SYNPO: variants seen among roughly 807,000 people sequenced by gnomAD.
SYNPO encodes the protein synaptopodin.
SYNPO carries 19 observed loss-of-function variants against 49.5 expected under a neutral mutation model. The observed-to-expected ratio is 0.38, with a 90% CI of 0.27 to 0.56. The LOEUF (loss-of-function observed/expected upper bound fraction) is 0.56. SYNPO is among the 20% of genes least tolerant of loss of function. The pLI is 0.68. For synonymous variants in SYNPO, 536 were observed against 548.0 expected, an observed-to-expected ratio of 0.98 and a Z score of 0.31; for missense variants, 1,131 against 1,248.3, an observed-to-expected ratio of 0.91 and a Z score of 1.42.
intron 2 of SYNPO, 187 bp downstream of exon 2, chr5:150,650,490 G>A: frequency 6.7e-7 from 1 of 1,497,288 alleles, no homozygotes; most frequent in Non-Finnish European, 8.9e-7. Flanking sequence ...GTGACCTTGG[G>A]CGAGTCGCCT....
intron 1 of SYNPO, among the ~76,000 whole-genome samples, chr5:150,643,398 A>G (rs1757977933): frequency 6.6e-6 from 1 of 152,242 alleles, no homozygotes; most frequent in Non-Finnish European, 1.5e-5. Context: ...TGACCAATCA[A>G]TATTAGCTAC....
At chr5:150,616,831 C>T (rs1199254422) in intron 1 of SYNPO, among the ~76,000 whole-genome samples, 1 of 152,142 alleles carries the variant, frequency 6.6e-6, no homozygotes, top group Non-Finnish European at 1.5e-5. Context: ...CTCCCATCTA[C>T]CCCCTCCTCA....
At chr5:150,620,939 T>TTCTTTC (rs768379008) in intron 2 of SYNPO, among the ~76,000 whole-genome samples, 1 of 138,554 alleles carries the variant, frequency 7.2e-6, no homozygotes, top group African/African-American at 2.9e-5. Context: ...CTTTCTTTCT[T>TTCTTTC]TCTTTCTTTT....
chr5:150,591,576 G>A, the SYNPO span, among the ~76,000 whole-genome samples: 1 of 151,966 alleles, frequency 6.6e-6, no homozygotes. Context: ...CAACTGCATT[G>A]AACCTGTGAT....
At position 150,656,966 on chromosome 5, in the gene SYNPO, C is replaced by T. The variant is rs1417494320; in HGVS notation, c.2591C>T (p.Ser864Phe). 6.3e-7 allele frequency: 1 copy of T among 1,591,574 alleles called. No individual in the cohort carries two copies. The highest frequency in any genetic ancestry group is 8.5e-7 in the Non-Finnish European group (1 of 1,169,952). ...SPTDSDVSLD[S>F]EDSGAKSPGI... The stretch of plus-strand genomic sequence containing the variant: ...ACGGACTCCGACGTGTCCCTCGACT[C>T]CGAGGACTCCGGGGCTAAGTCTCCA... The change falls in exon 3 of 3, where the codon TCC (serine) becomes TTC (phenylalanine). Residue 864 changes from serine (S) to phenylalanine (F), a missense_variant. Ser to Phe is a radical substitution (Grantham distance 155, BLOSUM62 -2). Around this residue, in one of 4 missense-constraint regions of SYNPO, gnomAD observed 509 missense variants for 484.5 expected, o/e 1.05. Transcript: ENST00000307662.
At chr5:150,595,766 G>GA in the SYNPO span, among the ~76,000 whole-genome samples, 5 of 152,062 alleles carry the variant, frequency 3.3e-5, no homozygotes, top group Admixed American at 1.3e-4. Context: ...GAGGCAGGAG[G>GA]AAAAAAATTC....
rs1167195737 is a variant in SYNPO at position 150,658,155 on chromosome 5, C to T, written c.*1068C>T. ...AGGGGACAGGATTGGCTCAGATGAC[C>T]CCTGAGGGCTCTTCCAGTCTTGAAA... is the stretch of plus-strand genomic sequence containing the variant. On this transcript the variant is annotated 3_prime_UTR_variant, in exon 3 of 3. Coordinates refer to ENST00000307662, the MANE Select transcript of SYNPO (RefSeq NM_007286.6). 6.6e-6 allele frequency: 1 copy of T among 152,202 alleles called. No individual in the cohort carries two copies. The highest frequency in any genetic ancestry group is 1.5e-5 in the Non-Finnish European group (1 of 68,050). 9.4% of individuals were successfully genotyped at this position (152,202 alleles called of 1,614,324 possible). A position where few individuals can be genotyped will look rare whatever the true frequency, so the allele number is the denominator to read the frequency against.
chr5:150,640,889 G>A (rs1042384087), intron 1 of SYNPO, 35 bp downstream of exon 1: 2 of 977,314 alleles, frequency 2.0e-6, no homozygotes, highest in Admixed American at 6.1e-5. Flanking sequence ...TGCCTTTGTG[G>A]CTTGGGGTAT....
At chr5:150,598,432 C>T (rs1756463101), upstream of SYNPO, among the ~76,000 whole-genome samples, 2 of 152,206 alleles carry the variant, frequency 1.3e-5, no homozygotes, top group African/African-American at 4.8e-5. Context: ...AATACCCGCA[C>T]TGCCACGGAC....
intron 1 of SYNPO, chr5:150,615,082 G>C (rs1221351592): frequency 6.6e-6 from 1 of 152,252 alleles, no homozygotes; most frequent in East Asian, 1.9e-4. Context: ...GTTAGTGGCA[G>C]CTGCTATTAT....
upstream of SYNPO, among the ~76,000 whole-genome samples, chr5:150,637,088 G>A (rs1023707768): frequency 6.6e-6 from 1 of 152,208 alleles, no homozygotes; most frequent in African/African-American, 2.4e-5. Context: ...TTGAGACTCA[G>A]AGAGGTGAAG....
At chr5:150,650,666 C>T (rs956286023) in intron 2 of SYNPO, 17 of 1,419,456 alleles carry the variant, frequency 1.2e-5, no homozygotes, top group African/African-American at 2.9e-5. Flanking sequence ...CTGATGCCAG[C>T]GTCTTGCTGG....
chr5:150,656,265 T>C, intron 2 of SYNPO, 139 bp from the exon 3 acceptor site: 1 of 664,606 alleles, frequency 1.5e-6, no homozygotes, highest in Non-Finnish European at 2.4e-6. Context: ...GCCTGCGTTT[T>C]ATTGCAGGCA....
intron 2 of SYNPO, among the ~76,000 whole-genome samples, chr5:150,620,899 C>CTTTTTT (rs1014762340): frequency 9.2e-6 from 1 of 108,866 alleles, no homozygotes; most frequent in East Asian, 2.6e-4. Flanking sequence ...TTCTTTTTTT[C>CTTTTTT]TCTTTCTTTC....
chr5:150,605,447 G>A (rs1756664122), intron 1 of SYNPO, among the ~76,000 whole-genome samples: 1 of 152,094 alleles, frequency 6.6e-6, no homozygotes, highest in South Asian at 2.1e-4. Flanking sequence ...AGATAGGGAA[G>A]GGGCCTCTGT....
At chr5:150,639,899 C>T (rs1227527815), upstream of SYNPO, among the ~76,000 whole-genome samples, 1 of 152,210 alleles carries the variant, frequency 6.6e-6, no homozygotes, top group Non-Finnish European at 1.5e-5. Context: ...CTCATTGCTA[C>T]AAAGCAAAAC....
upstream of SYNPO, among the ~76,000 whole-genome samples, chr5:150,599,278 C>G (rs1049874076): frequency 1.3e-5 from 2 of 152,242 alleles, no homozygotes; most frequent in African/African-American, 4.8e-5. Context: ...AGAAGGGACC[C>G]CACACACTTG....
chr5:150,658,031 C>T lies in SYNPO; in HGVS notation c.*944C>T, dbSNP rs1561664952. 3 of 152,344 alleles carry T rather than the reference C, an allele frequency of 2.0e-5. No individual in the cohort carries two copies. Among genetic ancestry groups the T allele is most frequent in the Admixed American group, 1.3e-4 (2 of 15,262 alleles). The allele number at this position is 152,344 out of a possible 1,614,324, so 9.4% of individuals were successfully genotyped here. On this transcript the variant is annotated 3_prime_UTR_variant, in exon 3 of 3. Transcript: ENST00000307662. ...TACCATGTGACTTTACCTGATTGCC[C>T]TCAGTTTGGGGTTGCTTATTGGGAA...
At chr5:150,646,175 C>CAA (rs34260941) in intron 1 of SYNPO, among the ~76,000 whole-genome samples, 2 of 131,638 alleles carry the variant, frequency 1.5e-5, no homozygotes, top group Admixed American at 7.6e-5. Flanking sequence ...ACAAAAAATA[C>CAA]AAAAAAAAAA....
Sources: allele counts gnomAD v4.1 joint callset (sites outside exome capture counted in the v4.1 genomes callset), GRCh38; gene constraint gnomAD v4.1.1; regional missense constraint gnomAD v4.1.1; transcripts MANE v1.5; gene names NCBI Gene and HGNC (gene_info 2026-07-23, HGNC 2026-07-21).